NNT: variants seen among roughly 807,000 people sequenced by gnomAD.
The protein encoded by NNT is nicotinamide nucleotide transhydrogenase.
Under a neutral mutation model 104.8 loss-of-function variants are expected in NNT, and 50 were observed. The ratio of observed to expected loss-of-function variants is 0.48; its 90% CI spans 0.38 to 0.60. The LOEUF is 0.60. Ranked by LOEUF, NNT falls within the 20% of genes least tolerant of loss-of-function variation. The pLI, the probability that NNT is intolerant of heterozygous loss-of-function variation, is 0.00. For missense variants in NNT, 1,131 were observed against 1,330.7 expected, an observed-to-expected ratio of 0.85 and a Z score of 2.33; for synonymous variants, 461 against 490.4, an observed-to-expected ratio of 0.94 and a Z score of 0.79.
At chr5:43,676,085 A>G (rs575841865) in intron 18 of NNT, among the ~76,000 whole-genome samples, 41 of 152,350 alleles carry the variant, frequency 2.7e-4, no homozygotes, top group African/African-American at 9.9e-4. Flanking sequence ...AATGATCAAG[A>G]ATCATGTGGT....
intron 19 of NNT, among the ~76,000 whole-genome samples, chr5:43,684,822 C>G (rs1040627258): frequency 5.9e-5 from 9 of 152,022 alleles, no homozygotes; most frequent in African/African-American, 2.2e-4. Context: ...AAGAAACTTG[C>G]CTTTTCAGGG....
At chr5:43,686,678 CAG>C (rs1742008110) in intron 19 of NNT, among the ~76,000 whole-genome samples, 1 of 152,070 alleles carries the variant, frequency 6.6e-6, no homozygotes, top group African/African-American at 2.4e-5. Context: ...ATTTGAAAAA[CAG>C]ATGAACATTT....
intron 14 of NNT, among the ~76,000 whole-genome samples, chr5:43,653,861 A>G (rs1343087594): frequency 6.6e-6 from 1 of 151,956 alleles, no homozygotes; most frequent in Non-Finnish European, 1.5e-5. Context: ...TGGCTGAAGC[A>G]TGATAATCGC....
chr5:43,682,611 CA>C lies in NNT; in HGVS notation c.2876+4808del, dbSNP rs576570796. Among the ~76,000 whole-genome samples the C allele has an allele frequency of 3.3e-4, 50 of 152,222 alleles. No homozygotes were observed. In the South Asian group the frequency reaches 5.4e-3, roughly 16 times the overall value. ...TGGGTGGAGGAAGAGTCAAGGCTTGCAAATTGGTAAAGCAATAAAGTCATGT... is the reference window on the plus strand; with the variant it reads ...TGGGTGGAGGAAGAGTCAAGGCTTGCAATTGGTAAAGCAATAAAGTCATGT... On this transcript the variant is annotated intron_variant, in intron 19 of 21. Transcript: ENST00000344920.
chr5:43,618,847 T>C (rs1050293569), intron 4 of NNT, among the ~76,000 whole-genome samples, 185 bp from the exon 5 acceptor site: 8 of 152,196 alleles, frequency 5.3e-5, no homozygotes, highest in Admixed American at 4.6e-4. Context: ...CATAGGCTTG[T>C]TGTGCAAATT....
At chr5:43,671,652 A>C (rs1300021140) in intron 17 of NNT, among the ~76,000 whole-genome samples, 1 of 152,196 alleles carries the variant, frequency 6.6e-6, no homozygotes, top group Admixed American at 6.5e-5. Flanking sequence ...CTGAGAGATC[A>C]GCTGTTAGTC....
intron 16 of NNT, among the ~76,000 whole-genome samples, chr5:43,658,580 A>G (rs1439740496): frequency 2.6e-5 from 4 of 152,072 alleles, no homozygotes; most frequent in Non-Finnish European, 5.9e-5. Context: ...GCTGAAATCT[A>G]TTGTTATTTT....
intron 2 of NNT, among the ~76,000 whole-genome samples, chr5:43,610,201 CTTTTTTTTTTTTT>C (rs3054076): frequency 1.6e-5 from 2 of 126,130 alleles, no homozygotes; most frequent in Admixed American, 8.1e-5. Flanking sequence ...AACTGTCTGT[CTTTTTTTTTTTTT>C]TTTTTTTTTA....
At chr5:43,655,636 A>G (rs1740001731) in intron 14 of NNT, among the ~76,000 whole-genome samples, 1 of 152,194 alleles carries the variant, frequency 6.6e-6, no homozygotes, top group African/African-American at 2.4e-5. Flanking sequence ...TCTGGTCCCA[A>G]GCATATCAGA....
chr5:43,667,042 G>A (rs577623051), intron 17 of NNT: 4 of 1,596,804 alleles, frequency 2.5e-6, no homozygotes, highest in South Asian at 2.2e-5. Flanking sequence ...TGCACTCATG[G>A]CCTTGGCATT....
intron 3 of NNT, 133 bp from the exon 4 acceptor site, chr5:43,615,714 TC>T: frequency 1.3e-6 from 1 of 750,262 alleles, no homozygotes; most frequent in Non-Finnish European, 2.2e-6. Flanking sequence ...AAGAATTTAG[TC>T]AGAAATTATT....
intron 4 of NNT, among the ~76,000 whole-genome samples, chr5:43,616,959 G>A (rs932609894): frequency 3.9e-5 from 6 of 152,086 alleles, no homozygotes; most frequent in Non-Finnish European, 8.8e-5. Context: ...AAAAAACAGT[G>A]CATAAAAAGA....
At chr5:43,627,051 G>C (rs1192146972) in intron 6 of NNT, among the ~76,000 whole-genome samples, 1 of 152,144 alleles carries the variant, frequency 6.6e-6, no homozygotes, top group African/African-American at 2.4e-5. Flanking sequence ...TGAGAATCCA[G>C]GGGAATGACT....
intron 7 of NNT, among the ~76,000 whole-genome samples, chr5:43,631,774 G>T (rs944468395): frequency 6.6e-6 from 1 of 151,924 alleles, no homozygotes; most frequent in Non-Finnish European, 1.5e-5. Flanking sequence ...TTAGTAAAAG[G>T]TCAGACTGTA....
chr5:43,670,815 C>T (rs1036373952), intron 17 of NNT, among the ~76,000 whole-genome samples: 6 of 152,034 alleles, frequency 3.9e-5, no homozygotes, highest in Non-Finnish European at 7.4e-5. Flanking sequence ...GGTGCAGAGT[C>T]GCGTTAAACT....
At chr5:43,610,069 G>A (rs1279261902) in intron 2 of NNT, among the ~76,000 whole-genome samples, 1 of 152,090 alleles carries the variant, frequency 6.6e-6, no homozygotes, top group African/African-American at 2.4e-5. Flanking sequence ...CTCTTACAGA[G>A]GAAGATCTGA....
chr5:43,643,458 G>A (rs761590791), intron 7 of NNT, among the ~76,000 whole-genome samples: 2 of 152,164 alleles, frequency 1.3e-5, no homozygotes, highest in Non-Finnish European at 2.9e-5. Flanking sequence ...ATTAAATGAG[G>A]AGAATGCACA....
At chr5:43,662,167 A>G (rs1319812402) in intron 17 of NNT, among the ~76,000 whole-genome samples, 2 of 152,172 alleles carry the variant, frequency 1.3e-5, no homozygotes, top group Non-Finnish European at 2.9e-5. Context: ...AAATTTATAA[A>G]GAGTATTCCC....
chr5:43,691,555 T>C (rs1047988332), intron 19 of NNT, among the ~76,000 whole-genome samples: 1 of 152,216 alleles, frequency 6.6e-6, no homozygotes, highest in Admixed American at 6.5e-5. Context: ...AGAGTACCTT[T>C]GGTAACTGGG....
Sources: gnomAD v4.1 joint callset for allele counts (sites outside exome capture counted in the v4.1 genomes callset) on GRCh38, gnomAD v4.1.1 for gene constraint, MANE v1.5 for transcripts, NCBI Gene and HGNC (gene_info 2026-07-23, HGNC 2026-07-21) for gene names.